Variants in ZNF451 observed in about 807,000 individuals in gnomAD.
ZNF451 encodes the protein zinc finger protein 451, also known as E3 SUMO-protein ligase ZNF451.
ZNF451 carries 80 observed loss-of-function variants against 107.1 expected under a neutral mutation model. That is an observed-to-expected ratio of 0.75 (90% CI 0.62 to 0.90). The LOEUF is 0.90. Among genes scored for constraint, ZNF451 ranks in the 40% least tolerant of loss-of-function variants. ZNF451 has a pLI of 0.00. For missense variants in ZNF451, 1,107 were observed against 1,236.2 expected, an observed-to-expected ratio of 0.90 and a Z score of 1.57; for synonymous variants, 362 against 406.5, an observed-to-expected ratio of 0.89 and a Z score of 1.32.
chr6:57,169,139 A>G lies in ZNF451; in HGVS notation c.*670A>G, dbSNP rs1292684243. 1.3e-5 allele frequency: 2 copies of G among 152,146 alleles called. No individual in the cohort carries two copies. The highest frequency in any genetic ancestry group is 1.3e-4 in the Admixed American group (2 of 15,280). 9.4% of individuals were successfully genotyped at this position (152,146 alleles called of 1,614,324 possible). A position where few individuals can be genotyped will look rare whatever the true frequency, so the allele number is the denominator to read the frequency against. ...AAATGAAACAATTTCCATTCCTTTT[A>G]CCTGCTTAGACTTTTATGTGACTTG... On this transcript the variant is annotated 3_prime_UTR_variant, in exon 15 of 15. Transcript: ENST00000370706.
chr6:57,134,811 G>C lies in ZNF451; in HGVS notation c.643G>C (p.Val215Leu). ...ACCTTTCTTCAGCTCCTTTGCTTGTGTAGTATGTTATAAAAAATTTGTTAC... is the reference window on the plus strand; with the variant it reads ...ACCTTTCTTCAGCTCCTTTGCTTGTCTAGTATGTTATAAAAAATTTGTTAC... ...HGPFFSSFAC[V>L]VCYKKFVTQQ... The change falls in exon 7 of 15, where the codon GTA (valine) becomes CTA (leucine). Residue 215 changes from valine to leucine, a missense_variant. By Grantham distance (32) the Val-to-Leu change is conservative (BLOSUM62 1). Around this residue, in one of 5 missense-constraint regions of ZNF451, gnomAD observed 339 missense variants for 372.8 expected, o/e 0.91. Coordinates refer to ENST00000370706, the MANE Select transcript of ZNF451 (RefSeq NM_001031623.3). 1 of 1,612,538 alleles carries C rather than the reference G, an allele frequency of 6.2e-7. No homozygotes were observed. The highest frequency in any genetic ancestry group is 8.5e-7 in the Non-Finnish European group (1 of 1,179,276).
chr6:57,140,845 T>C (rs1831719641), intron 7 of ZNF451, among the ~76,000 whole-genome samples: 1 of 152,184 alleles, frequency 6.6e-6, no homozygotes, highest in Admixed American at 6.5e-5. Context: ...TAAAATAATA[T>C]TTGATAAAAC....
chr6:57,115,014 C>T (rs975156936), intron 3 of ZNF451: 3 of 152,142 alleles, frequency 2.0e-5, no homozygotes, highest in African/African-American at 7.2e-5. Flanking sequence ...AATCCTAGCA[C>T]TTTGGGAGGC....
chr6:57,102,185 A>G, intron 3 of ZNF451: 1 of 1,429,538 alleles, frequency 7.0e-7, no homozygotes, highest in Non-Finnish European at 9.1e-7. Context: ...TACAGGTAGG[A>G]GATCATCTCA....
At chr6:57,162,479 G>A (rs1351133821) in intron 14 of ZNF451, among the ~76,000 whole-genome samples, 1 of 152,188 alleles carries the variant, frequency 6.6e-6, no homozygotes, top group Non-Finnish European at 1.5e-5. Flanking sequence ...TTGGAAGGAA[G>A]CAAGTGTTTT....
At chr6:57,097,638 C>CT (rs1455256358) in intron 2 of ZNF451, among the ~76,000 whole-genome samples, 1 of 152,218 alleles carries the variant, frequency 6.6e-6, no homozygotes, top group Non-Finnish European at 1.5e-5. Flanking sequence ...ACATTTAACA[C>CT]TGACAGCTTT....
In ZNF451 at chr6:57,105,830, CTT is replaced by C. The variant is rs1301883955; in HGVS notation, c.186+6692_186+6693del. 2.1e-5 allele frequency: 21 copies of C among 985,148 alleles called. No individual in the cohort carries two copies. In the South Asian group the frequency reaches 8.0e-4, roughly 37 times the overall value. The allele number at this position is 985,148 out of a possible 1,614,324, so 61.0% of individuals were successfully genotyped here. The stretch of plus-strand genomic sequence containing the variant: ...TTAAAAAGCAGTAAATTTGCTGACA[CTT>C]TTATCTTTTTTTAAAAGAATGAATG... On this transcript the variant is annotated intron_variant, in intron 3 of 14. Coordinates refer to ENST00000370706, the MANE Select transcript of ZNF451 (RefSeq NM_001031623.3).
At chr6:57,100,793 A>T in intron 3 of ZNF451, 1 of 1,549,136 alleles carries the variant, frequency 6.5e-7, no homozygotes, top group Non-Finnish European at 8.7e-7. Context: ...GATCAAAATA[A>T]TTCAGATACT....
intron 3 of ZNF451, chr6:57,109,267 GTTGT>G (rs746769254): frequency 1.0e-6 from 1 of 984,022 alleles, no homozygotes; most frequent in Non-Finnish European, 1.2e-6. Flanking sequence ...TTTGTTCAAT[GTTGT>G]TTATTACATT....
Position 57,168,540 on chromosome 6 carries a change from C to G in ZNF451, c.*71C>G. ...GATAACGAATTCTTGAGTTTGTTTTCTAAAGGAGACCAGAAATCCACTATT... is the reference window on the plus strand; with the variant it reads ...GATAACGAATTCTTGAGTTTGTTTTGTAAAGGAGACCAGAAATCCACTATT... On this transcript the variant is annotated 3_prime_UTR_variant, in exon 15 of 15. Coordinates refer to ENST00000370706, the MANE Select transcript of ZNF451 (RefSeq NM_001031623.3). The G allele has an allele frequency of 1.6e-6, 2 of 1,216,126 alleles. No individual in the cohort carries two copies. The highest frequency in any genetic ancestry group is 1.2e-6 in the Non-Finnish European group (1 of 837,736). The allele number at this position is 1,216,126 out of a possible 1,614,324, so 75.3% of individuals were successfully genotyped here.
Position 57,153,693 on chromosome 6 carries a change from G to A in ZNF451, c.2884-168G>A, listed in dbSNP as rs371984051. 4.6e-5 allele frequency among the ~76,000 whole-genome samples: 7 copies of A among 152,198 alleles called. No homozygotes were observed. The East Asian group carries it at 9.6e-4, about 21-fold the overall frequency. ...CTCCCAAAGTGTTGGGATTACAGGC[G>A]TGAGCCACTGCACCCAGCTGAAGGA... On this transcript the variant is annotated intron_variant, in intron 12 of 14. Transcript: ENST00000370706.
intron 7 of ZNF451, among the ~76,000 whole-genome samples, chr6:57,137,640 C>T (rs148982523): frequency 9.2e-5 from 14 of 152,134 alleles, no homozygotes; most frequent in African/African-American, 2.6e-4. Flanking sequence ...TAGTGGTGGT[C>T]GATATACTGT....
chr6:57,101,173 C>G, intron 3 of ZNF451: 1 of 1,550,668 alleles, frequency 6.4e-7, no homozygotes, highest in Non-Finnish European at 8.7e-7. Context: ...GCCATCTGAC[C>G]CCAGCCAATC....
chr6:57,094,729 G>T (rs569718504), intron 2 of ZNF451, among the ~76,000 whole-genome samples: 46 of 152,040 alleles, frequency 3.0e-4, no homozygotes, highest in African/African-American at 1.0e-3. Flanking sequence ...TCACAGATGG[G>T]GTAATAGAGG....
At chr6:57,102,084 G>A (rs2127940412) in intron 3 of ZNF451, 2 of 1,508,174 alleles carry the variant, frequency 1.3e-6, no homozygotes, top group Non-Finnish European at 1.8e-6. Context: ...AACGCCATGG[G>A]TACAAGAATT....
At chr6:57,123,384 C>T (rs1231827695) in intron 3 of ZNF451, among the ~76,000 whole-genome samples, 1 of 152,206 alleles carries the variant, frequency 6.6e-6, no homozygotes, top group Non-Finnish European at 1.5e-5. Flanking sequence ...CTGGAAGCTG[C>T]TACCCTAAGC....
At chr6:57,115,988 A>G (rs970035719) in intron 3 of ZNF451, 63 of 152,334 alleles carry the variant, frequency 4.1e-4, no homozygotes, top group African/African-American at 1.4e-3. Context: ...ATCAGAGCCA[A>G]TTCAATTCTA....
At chr6:57,105,397 T>A in intron 3 of ZNF451, 2 of 985,180 alleles carry the variant, frequency 2.0e-6, no homozygotes, top group Non-Finnish European at 2.4e-6. Flanking sequence ...CCTTTTTAAT[T>A]CTACACTTTT....
At chr6:57,132,905 G>T (rs187221719) in intron 5 of ZNF451, 137 bp from the exon 6 acceptor site, 9 of 872,020 alleles carry the variant, frequency 1.0e-5, no homozygotes, top group Non-Finnish European at 8.5e-6. Flanking sequence ...TATAAGAGAG[G>T]TTTTAAACAA....
Sources: allele counts gnomAD v4.1 joint callset (sites outside exome capture counted in the v4.1 genomes callset), GRCh38; gene constraint gnomAD v4.1.1; regional missense constraint gnomAD v4.1.1; transcripts MANE v1.5; gene names NCBI Gene and HGNC (gene_info 2026-07-23, HGNC 2026-07-21).